Variants in CA13 observed in about 807,000 individuals in gnomAD.
The protein encoded by CA13 is carbonic anhydrase 13, also known as CA-XIII.
A neutral mutation model predicts 31.5 loss-of-function variants in CA13; 21 were observed. That is an observed-to-expected ratio of 0.67 (90% CI 0.47 to 0.96). The LOEUF (loss-of-function observed/expected upper bound fraction) is 0.96. Ranked by LOEUF, CA13 falls within the 40% of genes least tolerant of loss-of-function variation. CA13 has a pLI of 0.00. For synonymous variants in CA13, 117 were observed against 111.4 expected, an observed-to-expected ratio of 1.05 and a Z score of -0.32; for missense variants, 315 against 318.9, an observed-to-expected ratio of 0.99 and a Z score of 0.09.
At chr8:85,261,627 T>C (rs924983979) in intron 3 of CA13, among the ~76,000 whole-genome samples, 2 of 152,040 alleles carry the variant, frequency 1.3e-5, no homozygotes, top group African/African-American at 4.8e-5. Context: ...GGTTTCTCCA[T>C]GTTGGTCAGG....
intron 6 of CA13, among the ~76,000 whole-genome samples, chr8:85,270,818 C>G (rs750696323): frequency 2.0e-5 from 3 of 152,022 alleles, no homozygotes; most frequent in Non-Finnish European, 4.4e-5. Context: ...TAAAGTTAAC[C>G]TTATTAAAAA....
rs111932118 is a variant in CA13 at position 85,265,956 on chromosome 8, T to G, written c.355-652T>G. On this transcript the variant is annotated intron_variant, in intron 3 of 6. Transcript: ENST00000321764. ...TGGACAGTTTTAGAAACAGCCTCAC[T>G]GTCCTTGGTAGCGGGATTGTCCTGG... is the stretch of plus-strand genomic sequence containing the variant. 9.3e-3 allele frequency among the ~76,000 whole-genome samples: 1,422 copies of G among 152,332 alleles called. 17 individuals are homozygous for G. Among genetic ancestry groups the G allele is most frequent in the Non-Finnish European group, 0.013 (886 of 68,032 alleles).
chr8:85,281,619 C>A lies in CA13; in HGVS notation c.*270C>A. On this transcript the variant is annotated 3_prime_UTR_variant, in exon 7 of 7. Transcript: ENST00000321764. ...CCTCCAACTCCTGGACTCAAGTGATCCTCCCACCTCAGCCTCCAGAGTAAG... is the reference window on the plus strand; with the variant it reads ...CCTCCAACTCCTGGACTCAAGTGATACTCCCACCTCAGCCTCCAGAGTAAG... 1 of 536,980 alleles carries A rather than the reference C, an allele frequency of 1.9e-6. No individual in the cohort carries two copies. Among genetic ancestry groups the A allele is most frequent in the Non-Finnish European group, 2.6e-6 (1 of 388,804 alleles). 33.3% of individuals were successfully genotyped at this position (536,980 alleles called of 1,614,324 possible). A position where few individuals can be genotyped will look rare whatever the true frequency, so the allele number is the denominator to read the frequency against.
rs563914732 is a variant in CA13, at chr8:85,276,092, G to A, written c.670-5138G>A. Among the ~76,000 whole-genome samples the A allele has an allele frequency of 5.0e-4, 76 of 152,268 alleles. 1 individual carries two copies. The highest frequency in any genetic ancestry group is 3.4e-3 in the Middle Eastern group (1 of 294). Reference sequence around the variant, plus strand: ...AGGCGTGGGCGGGAAGTGGGGCTGCGGGCGGTGCTTGCGGGCCAGCACGAG... The same window carrying A: ...AGGCGTGGGCGGGAAGTGGGGCTGCAGGCGGTGCTTGCGGGCCAGCACGAG... On this transcript the variant is annotated intron_variant, in intron 6 of 6. Coordinates refer to ENST00000321764, the MANE Select transcript of CA13 (RefSeq NM_198584.3).
intron 3 of CA13, among the ~76,000 whole-genome samples, chr8:85,262,816 G>A (rs1807403275): frequency 6.6e-6 from 1 of 152,132 alleles, no homozygotes; most frequent in South Asian, 2.1e-4. Context: ...AGCTTTAGTG[G>A]CATTTGTCGA....
chr8:85,259,125 T>C (rs1474858334), intron 2 of CA13, among the ~76,000 whole-genome samples: 1 of 152,142 alleles, frequency 6.6e-6, no homozygotes, highest in African/African-American at 2.4e-5. Context: ...AACACAACCA[T>C]TCCTTACCTT....
Position 85,261,422 on chromosome 8 carries a change from G to C in CA13, c.354+1883G>C, listed in dbSNP as rs560166056. ...TTTTTATGCATGCTTTAAACAAACA[G>C]TATTTTATTTATTTTTTTTTTGAGA... On this transcript the variant is annotated intron_variant, in intron 3 of 6. Transcript: ENST00000321764. 5.3e-5 allele frequency among the ~76,000 whole-genome samples: 8 copies of C among 152,052 alleles called. No homozygotes were observed. The South Asian group carries it at 8.3e-4, about 16-fold the overall frequency.
intron 4 of CA13, chr8:85,267,343 G>C: frequency 2.1e-6 from 2 of 974,854 alleles, no homozygotes; most frequent in Non-Finnish European, 2.4e-6. Context: ...GGATCCGGGT[G>C]CTTTAAAACC....
At chr8:85,246,240 C>G (rs980973777) in intron 1 of CA13, 9 of 465,088 alleles carry the variant, frequency 1.9e-5, no homozygotes. Flanking sequence ...GAAATAAGGA[C>G]AAGTTCGCTT....
chr8:85,250,891 C>A lies in CA13; in HGVS notation c.189C>A (p.Ser63Arg). 1 of 1,613,924 alleles carries A rather than the reference C, an allele frequency of 6.2e-7. No homozygotes were observed. The highest frequency in any genetic ancestry group is 1.3e-5 in the African/African-American group (1 of 74,964). The change falls in exon 2 of 7, where the codon AGC (serine) becomes AGA (arginine). Residue 63 changes from serine to arginine, a missense_variant. Ser to Arg is a moderately radical substitution (Grantham distance 110). Coordinates refer to ENST00000321764, the MANE Select transcript of CA13 (RefSeq NM_198584.3). ...GCTCAGCTAAAATCATCAGCAACAG[C>A]GGCCATTCCTTCAATGTTGACTTTG... ...DPSSAKIISN[S>R]GHSFNVDFDD...
intron 3 of CA13, among the ~76,000 whole-genome samples, chr8:85,260,180 T>C (rs1807356968): frequency 6.6e-6 from 1 of 152,214 alleles, no homozygotes; most frequent in South Asian, 2.1e-4. Flanking sequence ...TATAATTGTA[T>C]TCACTAATAA....
intron 4 of CA13, 117 bp from the exon 5 acceptor site, chr8:85,267,785 A>G (rs904584427): frequency 8.4e-6 from 5 of 592,138 alleles, no homozygotes; most frequent in African/African-American, 5.6e-5. Context: ...CAATCACTGT[A>G]TGTTCTGTGC....
chr8:85,246,364 TG>T, intron 1 of CA13: 1 of 456,224 alleles, frequency 2.2e-6, no homozygotes, highest in Non-Finnish European at 4.4e-6. Flanking sequence ...GTTGGCTTCG[TG>T]GCAAACAAAA....
intron 6 of CA13, among the ~76,000 whole-genome samples, chr8:85,273,822 C>T (rs1049500256): frequency 3.3e-5 from 5 of 152,026 alleles, no homozygotes; most frequent in East Asian, 1.9e-4. Context: ...ACAGACAACA[C>T]GAGGTGGTGT....
intron 6 of CA13, among the ~76,000 whole-genome samples, chr8:85,279,521 AAG>A (rs1388165807): frequency 6.6e-6 from 1 of 152,240 alleles, no homozygotes; most frequent in East Asian, 1.9e-4. Context: ...TGGTCGGAGA[AAG>A]AGCTGAAGTC....
At position 85,245,648 on chromosome 8, in the gene CA13, C is replaced by CACGCCTCTGCCGT; in HGVS notation, c.-180_-168dup. ...GCCAGCGGCGCGGGCGCCTTCCCCG[C>CACGCCTCTGCCGT]ACGCCTCTGCCGTCTGGAGGACGCA... is the stretch of plus-strand genomic sequence containing the variant. On this transcript the variant is annotated 5_prime_UTR_variant, in exon 1 of 7. Coordinates refer to ENST00000321764, the MANE Select transcript of CA13 (RefSeq NM_198584.3). 1.5e-6 allele frequency: 1 copy of CACGCCTCTGCCGT among 651,618 alleles called. No homozygotes were observed. Among genetic ancestry groups the CACGCCTCTGCCGT allele is most frequent in the East Asian group, 2.7e-5 (1 of 36,696 alleles). 40.4% of individuals were successfully genotyped at this position (651,618 alleles called of 1,614,324 possible). A position where few individuals can be genotyped will look rare whatever the true frequency, so the allele number is the denominator to read the frequency against.
At chr8:85,250,152 A>G (rs971473417) in intron 1 of CA13, among the ~76,000 whole-genome samples, 9 of 152,186 alleles carry the variant, frequency 5.9e-5, no homozygotes, top group Admixed American at 3.9e-4. Context: ...CAGCCATTTT[A>G]TTTGGATTAT....
chr8:85,265,351 G>A (rs971589016), intron 3 of CA13, among the ~76,000 whole-genome samples: 1 of 152,182 alleles, frequency 6.6e-6, no homozygotes, highest in African/African-American at 2.4e-5. Flanking sequence ...TTTTGGGGAA[G>A]ACTCCCCCAA....
intron 2 of CA13, 59 bp downstream of exon 2, chr8:85,250,996 A>G: frequency 2.7e-6 from 3 of 1,105,002 alleles, no homozygotes; most frequent in Non-Finnish European, 2.6e-6. Context: ...TGATTAGACT[A>G]TACTCTTTTT....
Sources: gnomAD v4.1 joint callset for allele counts (sites outside exome capture counted in the v4.1 genomes callset) on GRCh38, gnomAD v4.1.1 for gene constraint, MANE v1.5 for transcripts, NCBI Gene and HGNC (gene_info 2026-07-23, HGNC 2026-07-21) for gene names.